The following DNAH17 variants were observed in gnomAD, a reference collection of about 807,000 sequenced individuals.
The protein encoded by DNAH17 is axonemal beta dynein heavy chain 17.
DNAH17 carries 376 observed loss-of-function variants against 485.6 expected under a neutral mutation model. The ratio of observed to expected loss-of-function variants is 0.77; its 90% CI spans 0.71 to 0.84. The LOEUF (loss-of-function observed/expected upper bound fraction) is 0.84, where lower values mean the gene tolerates loss of function less well. DNAH17 is among the 40% of genes least tolerant of loss of function. The pLI is 0.00. For synonymous variants in DNAH17, 3,031 were observed against 2,405.9 expected (o/e 1.26, Z -7.60); for missense variants, 6,370 against 5,839.3 (o/e 1.09, Z -2.96).
In DNAH17 at chr17:78,548,794, A is replaced by T. The variant is rs537160598; in HGVS notation, c.2391+2741T>A. ...TTTTCTCACTAAGCTGGGGAGCTAG[A>T]TGCTGCTGGCTGTCATGTCTGTTTT... is the stretch of plus-strand genomic sequence containing the variant. On this transcript the variant is annotated intron_variant, in intron 16 of 80. Coordinates refer to ENST00000389840, the MANE Select transcript of DNAH17 (RefSeq NM_173628.4). 8.5e-5 allele frequency among the ~76,000 whole-genome samples: 13 copies of T among 152,326 alleles called. No individual in the cohort carries two copies. In the South Asian group the frequency reaches 2.7e-3, roughly 32 times the overall value.
intron 25 of DNAH17, among the ~76,000 whole-genome samples, chr17:78,515,625 A>G (rs754436699): frequency 4.6e-4 from 70 of 152,234 alleles, no homozygotes; most frequent in Non-Finnish European, 8.5e-4. Context: ...CAGTATGTCC[A>G]TGTAGCTTGT....
At chr17:78,425,606 C>T in intron 79 of DNAH17, 35 bp from the exon 80 acceptor site, 1 of 1,551,116 alleles carries the variant, frequency 6.4e-7, no homozygotes, top group Non-Finnish European at 8.7e-7. Context: ...GAGGAGAGGA[C>T]ATAGAATGAC....
At chr17:78,551,206 T>C (rs1210480571) in intron 16 of DNAH17, among the ~76,000 whole-genome samples, 1 of 152,216 alleles carries the variant, frequency 6.6e-6, no homozygotes, top group Non-Finnish European at 1.5e-5. Context: ...AGAACTGTAC[T>C]GCTTCTGTAC....
chr17:78,445,636 G>A lies in DNAH17; in HGVS notation c.11256C>T (p.Phe3752=), dbSNP rs142847712. The change falls in exon 70 of 81, where the codon TTC becomes TTT. Residue 3752 remains phenylalanine, a synonymous_variant. Coordinates refer to ENST00000389840, the MANE Select transcript of DNAH17 (RefSeq NM_173628.4). ...KKELNPVELD[F]LLRFPFKAGV... is the part of the protein sequence containing the mutation. ...CGGCCTTAAAAGGGAACCGCAGGAGGAAATCCAGCTCCACTGGGTTCAGCT... is the reference window on the plus strand; with the variant it reads ...CGGCCTTAAAAGGGAACCGCAGGAGAAAATCCAGCTCCACTGGGTTCAGCT... 1.7e-4 allele frequency: 261 copies of A among 1,572,942 alleles called. No homozygotes were observed. The African/African-American group carries it at 2.7e-3, about 16-fold the overall frequency.
At chr17:78,451,702 G>C in intron 65 of DNAH17, 29 bp from the exon 66 acceptor site, 1 of 1,529,746 alleles carries the variant, frequency 6.5e-7, no homozygotes, top group Non-Finnish European at 8.8e-7. Flanking sequence ...AAGGGTTAGT[G>C]GGCCTCCCAG....
At chr17:78,443,957 C>A (rs1322658639) in intron 71 of DNAH17, among the ~76,000 whole-genome samples, 2 of 152,188 alleles carry the variant, frequency 1.3e-5, no homozygotes, top group African/African-American at 4.8e-5. Flanking sequence ...TGAGGACAGA[C>A]CCCAGGCTCG....
intron 30 of DNAH17, 125 bp from the exon 31 acceptor site, chr17:78,505,570 A>G (rs370450156): frequency 1.3e-5 from 16 of 1,234,210 alleles, no homozygotes; most frequent in East Asian, 7.4e-5. Flanking sequence ...TCTTTGATCA[A>G]CGTTGACTAA....
rs1231146395 is a variant in DNAH17, at chr17:78,465,175, G to A, written c.8940+1480C>T. On this transcript the variant is annotated intron_variant, in intron 56 of 80. Coordinates refer to ENST00000389840, the MANE Select transcript of DNAH17 (RefSeq NM_173628.4). The stretch of plus-strand genomic sequence containing the variant: ...TCCAGCCCCTAACCGCAAGTGATCC[G>A]CCAGCCTCGGCCTCCCGAGGTGCCG... 3.3e-5 allele frequency among the ~76,000 whole-genome samples: 5 copies of A among 152,202 alleles called. No individual in the cohort carries two copies. In the East Asian group the frequency reaches 9.6e-4, roughly 29 times the overall value.
intron 40 of DNAH17, 174 bp from the exon 41 acceptor site, chr17:78,494,347 C>A: frequency 9.0e-7 from 1 of 1,107,338 alleles, no homozygotes; most frequent in Non-Finnish European, 1.3e-6. Context: ...ATAGCTCCAC[C>A]GCGACCTCAT....
chr17:78,485,928 C>G (rs766432589), intron 46 of DNAH17, 32 bp downstream of exon 46: 2 of 1,604,270 alleles, frequency 1.2e-6, no homozygotes, highest in African/African-American at 2.7e-5. Flanking sequence ...CTCTAAATCA[C>G]CAGTCGGTGG....
intron 19 of DNAH17, among the ~76,000 whole-genome samples, chr17:78,533,457 G>A (rs963570682): frequency 2.6e-5 from 4 of 152,144 alleles, no homozygotes; most frequent in African/African-American, 9.7e-5. Context: ...GTGGTGGGAG[G>A]AGGCAGCGTG....
chr17:78,559,416 A>G (rs146109302), intron 13 of DNAH17, among the ~76,000 whole-genome samples: 12 of 152,130 alleles, frequency 7.9e-5, no homozygotes, highest in Admixed American at 3.9e-4. Context: ...ACCCTAAAAC[A>G]TTGGGACTGA....
intron 69 of DNAH17, among the ~76,000 whole-genome samples, chr17:78,448,023 T>G (rs2087384650): frequency 6.6e-6 from 1 of 151,732 alleles, no homozygotes; most frequent in Non-Finnish European, 1.5e-5. Context: ...AATACAAAAA[T>G]TAGCCAGGCA....
intron 20 of DNAH17, 125 bp from the exon 21 acceptor site, chr17:78,530,637 G>T: frequency 8.6e-7 from 1 of 1,168,500 alleles, no homozygotes; most frequent in Non-Finnish European, 1.2e-6. Context: ...CCACTCTGGG[G>T]CCAGGGTCAG....
rs571820143 is a variant in DNAH17, at chr17:78,541,517, G to A, written c.2533-1637C>T. Reference sequence around the variant, plus strand: ...AGGTCTATTCTAATAAGGGAGAGAAGACTTGGGCTCAAATAACTTCAGCAT... The same window carrying A: ...AGGTCTATTCTAATAAGGGAGAGAAAACTTGGGCTCAAATAACTTCAGCAT... On this transcript the variant is annotated intron_variant, in intron 17 of 80. Transcript: ENST00000389840. Among the ~76,000 whole-genome samples, 21 of 152,018 alleles carry A rather than the reference G, an allele frequency of 1.4e-4. No individual in the cohort carries two copies. The East Asian group carries it at 3.3e-3, about 24-fold the overall frequency.
Position 78,479,584 on chromosome 17 carries a change from T to G in DNAH17, c.7801A>C (p.Thr2601Pro). ...AVSFPGQEALTTIYNTILTQH... is the reference protein window; with the variant it reads ...AVSFPGQEALPTIYNTILTQH... ...GTCAGGATTGTGTTGTAGATGGTGG[T>G]GAGGGCCTCCTGGCCGGGGAAGCTC... The change falls in exon 50 of 81, where the codon ACC (threonine) becomes CCC (proline). Residue 2601 changes from threonine to proline, a missense_variant. Transcript: ENST00000389840. 1.2e-6 allele frequency: 2 copies of G among 1,613,508 alleles called. No individual in the cohort carries two copies. Among genetic ancestry groups the G allele is most frequent in the Non-Finnish European group, 1.7e-6 (2 of 1,179,834 alleles).
In DNAH17 at chr17:78,479,579, G is replaced by A; in HGVS notation, c.7806C>T (p.Thr2602=). 3.1e-6 allele frequency: 5 copies of A among 1,613,606 alleles called. No homozygotes were observed. Among genetic ancestry groups the A allele is most frequent in the South Asian group, 1.1e-5 (1 of 91,074 alleles). The change falls in exon 50 of 81, where the codon ACC becomes ACT. Residue 2602 remains threonine, a synonymous_variant. Transcript: ENST00000389840. Reference sequence around the variant, plus strand: ...GCTGCGTCAGGATTGTGTTGTAGATGGTGGTGAGGGCCTCCTGGCCGGGGA... The same window carrying A: ...GCTGCGTCAGGATTGTGTTGTAGATAGTGGTGAGGGCCTCCTGGCCGGGGA... ...VSFPGQEALT[T]IYNTILTQHL...
intron 37 of DNAH17, chr17:78,498,776 G>A (rs1440463213): frequency 1.1e-5 from 4 of 375,958 alleles, no homozygotes; most frequent in African/African-American, 6.3e-5. Flanking sequence ...CCTGTATTTT[G>A]TTACACGTTT....
In DNAH17 at chr17:78,488,418, G is replaced by A. The variant is rs1000892913; in HGVS notation, c.6819-1912C>T. On this transcript the variant is annotated intron_variant, in intron 44 of 80. Coordinates refer to ENST00000389840, the MANE Select transcript of DNAH17 (RefSeq NM_173628.4). ...GGTCTCCTCCTCCTGCTTCCTCCAG[G>A]TCACTCCTTGGAGGTGTCCAGTTCC... 1.4e-4 allele frequency among the ~76,000 whole-genome samples: 21 copies of A among 152,232 alleles called. 1 individual carries two copies. Among genetic ancestry groups the A allele is most frequent in the Admixed American group, 1.1e-3 (17 of 15,290 alleles).
Sources: allele counts gnomAD v4.1 joint callset (sites outside exome capture counted in the v4.1 genomes callset), GRCh38; gene constraint gnomAD v4.1.1; transcripts MANE v1.5; gene names NCBI Gene and HGNC (gene_info 2026-07-23, HGNC 2026-07-21).